The following GPC5 variants were observed in gnomAD, a reference collection of about 807,000 sequenced individuals.
The protein encoded by GPC5 is glypican-5.
A neutral mutation model predicts 53.9 loss-of-function variants in GPC5; 47 were observed. That is an observed-to-expected ratio of 0.87 (90% CI 0.69 to 1.11). The LOEUF (loss-of-function observed/expected upper bound fraction) is 1.11, where lower values mean the gene tolerates loss of function less well. Ranked by LOEUF, GPC5 falls within the 50% of genes most tolerant of loss-of-function variation. The pLI is 0.00. For missense variants in GPC5, 748 were observed against 713.1 expected, an observed-to-expected ratio of 1.05 and a Z score of -0.56; for synonymous variants, 286 against 263.3, an observed-to-expected ratio of 1.09 and a Z score of -0.84.
chr13:92,803,733 A>C (rs896066955), intron 7 of GPC5, among the ~76,000 whole-genome samples: 2 of 151,890 alleles, frequency 1.3e-5, no homozygotes, highest in Admixed American at 1.3e-4. Context: ...CCGATTCTCT[A>C]ATTTGTATTT....
Position 92,126,658 on chromosome 13 carries a change from A to G in GPC5, c.1402-18172A>G, listed in dbSNP as rs532277084. ...GACTGTGCTACCTGCAAAGCCAAAA[A>G]TATTTACTATCTGGCCCTGGACAGG... On this transcript the variant is annotated intron_variant, in intron 6 of 7. Coordinates refer to ENST00000377067, the MANE Select transcript of GPC5 (RefSeq NM_004466.6). Among the ~76,000 whole-genome samples, 68 of 152,292 alleles carry G rather than the reference A, an allele frequency of 4.5e-4. 1 individual carries two copies. The South Asian group carries it at 0.014, about 31-fold the overall frequency.
At chr13:92,544,456 T>C (rs1390242932) in intron 7 of GPC5, among the ~76,000 whole-genome samples, 1 of 152,184 alleles carries the variant, frequency 6.6e-6, no homozygotes, top group Non-Finnish European at 1.5e-5. Flanking sequence ...CCTGGAGGAA[T>C]TTTCTGTGTG....
intron 6 of GPC5, among the ~76,000 whole-genome samples, chr13:92,104,947 T>C (rs1277389033): frequency 1.3e-5 from 2 of 152,102 alleles, no homozygotes; most frequent in Admixed American, 6.6e-5. Context: ...TGTTGAGAAA[T>C]AGTGTTTTTG....
chr13:92,093,168 C>A (rs1291176913), intron 6 of GPC5, among the ~76,000 whole-genome samples: 1 of 152,110 alleles, frequency 6.6e-6, no homozygotes, highest in Non-Finnish European at 1.5e-5. Context: ...TTTCTCTACT[C>A]TAGAAAAGTC....
At chr13:92,173,532 A>G (rs1306953873) in intron 7 of GPC5, among the ~76,000 whole-genome samples, 1 of 152,182 alleles carries the variant, frequency 6.6e-6, no homozygotes. Flanking sequence ...TCTTCCTCTT[A>G]ATGAAATACT....
chr13:92,601,840 C>T (rs967248530), intron 7 of GPC5, among the ~76,000 whole-genome samples: 9 of 151,638 alleles, frequency 5.9e-5, no homozygotes, highest in African/African-American at 1.9e-4. Flanking sequence ...CAAGTGAACA[C>T]GTGGACTTAC....
intron 7 of GPC5, among the ~76,000 whole-genome samples, chr13:92,603,518 G>T (rs1363119196): frequency 1.3e-5 from 2 of 152,104 alleles, no homozygotes; most frequent in Non-Finnish European, 2.9e-5. Context: ...TATAGCTGAG[G>T]TTTCAATGAT....
intron 7 of GPC5, among the ~76,000 whole-genome samples, chr13:92,468,315 T>C (rs1878781165): frequency 1.3e-5 from 2 of 152,104 alleles, no homozygotes; most frequent in South Asian, 4.1e-4. Context: ...AATAAAGCTG[T>C]GCAGGAAGTG....
At chr13:92,519,955 C>T (rs560426674) in intron 7 of GPC5, among the ~76,000 whole-genome samples, 49 of 151,988 alleles carry the variant, frequency 3.2e-4, no homozygotes, top group African/African-American at 9.4e-4. Context: ...ATATCACCAC[C>T]GATCCCACAG....
At chr13:92,274,659 T>C (rs1222129151) in intron 7 of GPC5, among the ~76,000 whole-genome samples, 2 of 152,074 alleles carry the variant, frequency 1.3e-5, no homozygotes, top group Non-Finnish European at 2.9e-5. Flanking sequence ...AAAGCTAAAA[T>C]GGGGAAGGAT....
At chr13:92,253,297 GTC>G (rs955167448) in intron 7 of GPC5, among the ~76,000 whole-genome samples, 2 of 152,086 alleles carry the variant, frequency 1.3e-5, no homozygotes, top group African/African-American at 4.8e-5. Context: ...GTGATGAGAA[GTC>G]TCTGAAGGGT....
intron 7 of GPC5, among the ~76,000 whole-genome samples, chr13:92,756,498 A>C (rs186567542): frequency 1.1e-4 from 16 of 152,190 alleles, no homozygotes; most frequent in Non-Finnish European, 1.9e-4. Flanking sequence ...AGGCAGGAGA[A>C]TGAAATAAAG....
chr13:92,546,457 C>A (rs1882116300), intron 7 of GPC5, among the ~76,000 whole-genome samples: 1 of 152,086 alleles, frequency 6.6e-6, no homozygotes, highest in African/African-American at 2.4e-5. Flanking sequence ...ATCCAACTTA[C>A]AAGGGATGGG....
chr13:92,281,261 G>A (rs1357109684), intron 7 of GPC5, among the ~76,000 whole-genome samples: 1 of 152,190 alleles, frequency 6.6e-6, no homozygotes, highest in African/African-American at 2.4e-5. Context: ...AGCTCGAACT[G>A]GGTGGAGCCC....
chr13:92,063,195 G>A (rs2138855616), intron 6 of GPC5, among the ~76,000 whole-genome samples: 1 of 152,092 alleles, frequency 6.6e-6, no homozygotes, highest in East Asian at 1.9e-4. Context: ...TAAAATTTCA[G>A]GTTAGGTTTA....
chr13:91,837,770 A>G (rs570797901), intron 5 of GPC5, among the ~76,000 whole-genome samples: 1 of 152,274 alleles, frequency 6.6e-6, no homozygotes, highest in African/African-American at 2.4e-5. Context: ...CTTCACTGCA[A>G]AGTAGAAGCT....
chr13:92,615,781 G>A (rs1255491993), intron 7 of GPC5, among the ~76,000 whole-genome samples: 1 of 151,728 alleles, frequency 6.6e-6, no homozygotes, highest in East Asian at 1.9e-4. Context: ...CAGGCTGGGC[G>A]CGGTGGCTCA....
intron 6 of GPC5, among the ~76,000 whole-genome samples, chr13:92,015,384 C>T (rs1363639030): frequency 6.6e-6 from 1 of 152,056 alleles, no homozygotes; most frequent in Non-Finnish European, 1.5e-5. Flanking sequence ...TTTTAGAGGA[C>T]CATTTTACTC....
Position 91,689,848 on chromosome 13 carries a change from TA to T in GPC5, c.326-3331del, listed in dbSNP as rs201808623. Reference sequence around the variant, plus strand: ...CACTTAGGTGGCTTTATGGTTAACTTAAAAAAAATCAGTAGAAGGAGTGCAC... The same window carrying T: ...CACTTAGGTGGCTTTATGGTTAACTTAAAAAAATCAGTAGAAGGAGTGCAC... On this transcript the variant is annotated intron_variant, in intron 2 of 7. Coordinates refer to ENST00000377067, the MANE Select transcript of GPC5 (RefSeq NM_004466.6). Among the ~76,000 whole-genome samples the T allele has an allele frequency of 8.2e-3, 1,240 of 151,936 alleles. 18 individuals carry two copies. Among genetic ancestry groups the T allele is most frequent in the African/African-American group, 0.028 (1,168 of 41,428 alleles).
Sources: gnomAD v4.1 joint callset for allele counts (sites outside exome capture counted in the v4.1 genomes callset) on GRCh38, gnomAD v4.1.1 for gene constraint, MANE v1.5 for transcripts, NCBI Gene and HGNC (gene_info 2026-07-23, HGNC 2026-07-21) for gene names.